The following PKNOX1 variants were observed in gnomAD, a reference collection of about 807,000 sequenced individuals.
The protein encoded by PKNOX1 is homeobox protein PKNOX1.
In PKNOX1, 15 loss-of-function variants were observed where a neutral mutation model predicts 51.9. That is an observed-to-expected ratio of 0.29 (90% CI 0.19 to 0.45). The LOEUF is 0.45. Ranked by LOEUF, PKNOX1 falls within the 20% of genes least tolerant of loss-of-function variation. PKNOX1 has a pLI of 1.00. For synonymous variants in PKNOX1, 219 were observed against 211.1 expected, an observed-to-expected ratio of 1.04 and a Z score of -0.32; for missense variants, 462 against 547.5, an observed-to-expected ratio of 0.84 and a Z score of 1.56.
intron 5 of PKNOX1, among the ~76,000 whole-genome samples, chr21:43,015,328 A>G (rs1293202777): frequency 2.6e-5 from 4 of 152,216 alleles, no homozygotes; most frequent in African/African-American, 9.7e-5. Context: ...TCCAGCATTG[A>G]TTGATATGAT....
intron 1 of PKNOX1, among the ~76,000 whole-genome samples, chr21:42,978,486 CTT>C (rs200084508): frequency 2.0e-3 from 246 of 124,868 alleles, no homozygotes; most frequent in South Asian, 8.8e-3. Flanking sequence ...CTTTTCTTTT[CTT>C]TTTTTTTTTT....
At position 43,001,298 on chromosome 21, in the gene PKNOX1, G is replaced by A. The variant is rs369013871; in HGVS notation, c.-56-3028G>A. ...TTCTGTTACCAGTGGCTCCCATGCCGTGTTGCAAGGGTGTACCTGTGTTGA... is the reference window on the plus strand; with the variant it reads ...TTCTGTTACCAGTGGCTCCCATGCCATGTTGCAAGGGTGTACCTGTGTTGA... On this transcript the variant is annotated intron_variant, in intron 1 of 10. Transcript: ENST00000291547. Among the ~76,000 whole-genome samples, 9 of 152,334 alleles carry A rather than the reference G, an allele frequency of 5.9e-5. No homozygotes were observed. In the South Asian group the frequency reaches 6.2e-4, roughly 11 times the overall value.
At chr21:42,987,404 A>AAAAAAACAT in intron 1 of PKNOX1, among the ~76,000 whole-genome samples, 1 of 41,410 alleles carries the variant, frequency 2.4e-5, no homozygotes, top group Non-Finnish European at 4.8e-5. Flanking sequence ...AAAAAAAAAA[A>AAAAAAACAT]ATATATATAT....
intron 3 of PKNOX1, among the ~76,000 whole-genome samples, chr21:43,008,352 G>A (rs1397334546): frequency 1.3e-5 from 2 of 152,058 alleles, no homozygotes; most frequent in East Asian, 3.9e-4. Context: ...GAAAATACAG[G>A]CCAATATCCT....
intron 5 of PKNOX1, among the ~76,000 whole-genome samples, chr21:43,013,892 A>G (rs978397446): frequency 1.1e-4 from 17 of 152,070 alleles, no homozygotes; most frequent in Admixed American, 7.9e-4. Context: ...CATTCTGATG[A>G]TATGTAGTGA....
At chr21:43,024,645 G>A (rs893059526) in intron 8 of PKNOX1, 4 of 498,844 alleles carry the variant, frequency 8.0e-6, no homozygotes, top group Middle Eastern at 5.3e-4. Flanking sequence ...AAACGTGGGG[G>A]GCGGTCTGCC....
At position 43,007,481 on chromosome 21, in the gene PKNOX1, C is replaced by T; in HGVS notation, c.52-10C>T. On this transcript the variant is annotated splice_polypyrimidine_tract_variant and intron_variant, in intron 2 of 10. Coordinates refer to ENST00000291547, the MANE Select transcript of PKNOX1 (RefSeq NM_004571.5). ...GTTTGCTAATAAGAATTATCTTCCTCCTTTTACAGATGCAAGTAGTAACAG... is the reference window on the plus strand; with the variant it reads ...GTTTGCTAATAAGAATTATCTTCCTTCTTTTACAGATGCAAGTAGTAACAG... The T allele has an allele frequency of 8.7e-6, 14 of 1,613,134 alleles. No individual in the cohort carries two copies. Among genetic ancestry groups the T allele is most frequent in the Non-Finnish European group, 1.2e-5 (14 of 1,179,132 alleles).
At chr21:43,024,023 C>T (rs372851365) in intron 8 of PKNOX1, among the ~76,000 whole-genome samples, 2 of 151,948 alleles carry the variant, frequency 1.3e-5, no homozygotes, top group Non-Finnish European at 2.9e-5. Context: ...CGTGAGGCAC[C>T]GCGCCTGGCC....
Position 43,031,306 on chromosome 21 carries a change from C to T in PKNOX1, c.*1205C>T, listed in dbSNP as rs543038002. On this transcript the variant is annotated 3_prime_UTR_variant, in exon 11 of 11. Coordinates refer to ENST00000291547, the MANE Select transcript of PKNOX1 (RefSeq NM_004571.5). ...CCTGGAGTCCCAGCAGCGAGCTGGTCTGGCGAGGGCACCTCGGCAGCCCCC... is the reference window on the plus strand; with the variant it reads ...CCTGGAGTCCCAGCAGCGAGCTGGTTTGGCGAGGGCACCTCGGCAGCCCCC... 1.8e-4 allele frequency: 28 copies of T among 152,754 alleles called. No individual in the cohort carries two copies. The highest frequency in any genetic ancestry group is 5.5e-4 in the African/African-American group (23 of 41,580). 9.5% of individuals were successfully genotyped at this position (152,754 alleles called of 1,614,324 possible).
At chr21:42,997,419 G>A (rs1978555910) in intron 1 of PKNOX1, among the ~76,000 whole-genome samples, 1 of 152,180 alleles carries the variant, frequency 6.6e-6, no homozygotes. Context: ...TTTGTCAACT[G>A]TGCATCAGCC....
At position 43,032,339 on chromosome 21, in the gene PKNOX1, G is replaced by GTC; in HGVS notation, c.*2238_*2239insTC. Reference sequence around the variant, plus strand: ...TTCCCTCACCACCCTCCGTCTCTTCGGCTGCTTGCTCTTTAGTGTAGATTA... The same window carrying GTC: ...TTCCCTCACCACCCTCCGTCTCTTCGTCGCTGCTTGCTCTTTAGTGTAGATTA... On this transcript the variant is annotated 3_prime_UTR_variant, in exon 11 of 11. Coordinates refer to ENST00000291547, the MANE Select transcript of PKNOX1 (RefSeq NM_004571.5). The GTC allele has an allele frequency of 2.5e-6, 1 of 396,840 alleles. No homozygotes were observed. The highest frequency in any genetic ancestry group is 1.8e-5 in the South Asian group (1 of 55,270). 24.6% of individuals were successfully genotyped at this position (396,840 alleles called of 1,614,324 possible).
Position 43,028,777 on chromosome 21 carries a change from A to G in PKNOX1, c.1002A>G (p.Lys334=). ...GTTCAGAGACCCCCAAAACAAAGAA[A>G]AAAACTGCTCAGAACCGGCCAGTTC... ...SSCSETPKTK[K]KTAQNRPVQR... The change falls in exon 10 of 11, where the codon AAA becomes AAG. Residue 334 remains lysine (K), a synonymous_variant. Transcript: ENST00000291547. 1.2e-6 allele frequency: 2 copies of G among 1,614,192 alleles called. No homozygotes were observed. The highest frequency in any genetic ancestry group is 1.7e-6 in the Non-Finnish European group (2 of 1,180,036).
At position 43,021,206 on chromosome 21, in the gene PKNOX1, T is replaced by C. The variant is rs1979737810; in HGVS notation, c.721-97T>C. ...TGGGCCTCGACTACAATCATTTCCC[T>C]GTCCGATCCTTGGCTGTTTTCTCCA... On this transcript the variant is annotated intron_variant, in intron 7 of 10. Transcript: ENST00000291547. This position sits in a 1 kb window ranked among gnomAD's most constrained non-coding sequence, Gnocchi z 4.6. The C allele has an allele frequency of 1.0e-6, 1 of 993,712 alleles. No individual in the cohort carries two copies. Among genetic ancestry groups the C allele is most frequent in the Non-Finnish European group, 1.5e-6 (1 of 674,870 alleles). The allele number at this position is 993,712 out of a possible 1,614,324, so 61.6% of individuals were successfully genotyped here.
At chr21:42,979,538 C>T (rs1402149991) in intron 1 of PKNOX1, among the ~76,000 whole-genome samples, 2 of 151,918 alleles carry the variant, frequency 1.3e-5, no homozygotes, top group African/African-American at 2.4e-5. Context: ...GTCAGGAGAT[C>T]GAGACCATCC....
chr21:43,028,393 A>G (rs569854584), intron 9 of PKNOX1, among the ~76,000 whole-genome samples: 391 of 152,168 alleles, frequency 2.6e-3, no homozygotes, highest in Non-Finnish European at 4.2e-3. Flanking sequence ...ATTCAACAGT[A>G]TCATCTATGT....
At chr21:43,020,131 C>A (rs558901631) in intron 7 of PKNOX1, among the ~76,000 whole-genome samples, 3 of 152,062 alleles carry the variant, frequency 2.0e-5, no homozygotes, top group Admixed American at 1.3e-4. Context: ...CGGGGTCTCA[C>A]TATGTTGCCC....
intron 1 of PKNOX1, among the ~76,000 whole-genome samples, chr21:42,976,192 A>G (rs115214638): frequency 0.014 from 2,179 of 152,368 alleles, 60 homozygotes; most frequent in African/African-American, 0.05. Flanking sequence ...TTCAGTGCAT[A>G]TGAAAGTTGT....
Position 43,028,886 on chromosome 21 carries a change from C to T in PKNOX1, c.1099+12C>T, listed in dbSNP as rs750735506. On this transcript the variant is annotated intron_variant, in intron 10 of 10. Coordinates refer to ENST00000291547, the MANE Select transcript of PKNOX1 (RefSeq NM_004571.5). ...CACCATGTCGGAAGGTACAGGTGGCCGGCCAAGGCCAGACATGGTGGACCA... is the reference window on the plus strand; with the variant it reads ...CACCATGTCGGAAGGTACAGGTGGCTGGCCAAGGCCAGACATGGTGGACCA... The T allele has an allele frequency of 2.4e-5, 38 of 1,613,652 alleles. No homozygotes were observed. In the Admixed American group the frequency reaches 3.7e-4, roughly 16 times the overall value.
In PKNOX1 at chr21:43,002,480, A is replaced by G. The variant is rs572102653; in HGVS notation, c.-56-1846A>G. ...TGTGCCTCCTGTGCCCTTTGACTGC[A>G]CCCCCTTAGTGGCTCCAGAATGACG... On this transcript the variant is annotated intron_variant, in intron 1 of 10. Coordinates refer to ENST00000291547, the MANE Select transcript of PKNOX1 (RefSeq NM_004571.5). Among the ~76,000 whole-genome samples the G allele has an allele frequency of 1.7e-4, 22 of 131,422 alleles. No homozygotes were observed. In the East Asian group the frequency reaches 4.8e-3, roughly 29 times the overall value. The allele number at this position is 131,422 out of a possible 152,430, so 86.2% of individuals were successfully genotyped here. A position where few individuals can be genotyped will look rare whatever the true frequency, so the allele number is the denominator to read the frequency against.
Sources: allele counts gnomAD v4.1 joint callset (sites outside exome capture counted in the v4.1 genomes callset), GRCh38; gene constraint gnomAD v4.1.1; non-coding constraint Gnocchi (gnomAD v3.1); transcripts MANE v1.5; gene names NCBI Gene and HGNC (gene_info 2026-07-23, HGNC 2026-07-21).